HPCAL1: variants seen among roughly 807,000 people sequenced by gnomAD.
HPCAL1 encodes the protein hippocalcin like 1.
A neutral mutation model predicts 17.1 loss-of-function variants in HPCAL1; 8 were observed. The observed-to-expected ratio is 0.47, with a 90% CI of 0.27 to 0.84. The LOEUF is 0.84. HPCAL1 is among the 40% of genes least tolerant of loss of function. The pLI is 0.13. For missense variants in HPCAL1, 165 were observed against 271.1 expected (o/e 0.61, Z 2.75); for synonymous variants, 112 against 111.4 (o/e 1.01, Z -0.03).
intron 2 of HPCAL1, among the ~76,000 whole-genome samples, chr2:10,407,938 G>C (rs145036611): frequency 6.6e-6 from 1 of 152,370 alleles, no homozygotes; most frequent in East Asian, 1.9e-4. Context: ...AGCAGTTGTA[G>C]GGGCTGGGAA....
chr2:10,368,161 T>G (rs909768880), intron 1 of HPCAL1, among the ~76,000 whole-genome samples: 3 of 151,810 alleles, frequency 2.0e-5, no homozygotes, highest in Non-Finnish European at 4.4e-5. Context: ...TGTAGGTGTG[T>G]GTGTGCATTG....
At chr2:10,409,789 T>C (rs947363979) in intron 2 of HPCAL1, among the ~76,000 whole-genome samples, 10 of 131,742 alleles carry the variant, frequency 7.6e-5, no homozygotes, top group Non-Finnish European at 1.1e-4. Context: ...TTTTTTTTTT[T>C]TTTTTTTTTT....
At chr2:10,364,561 G>A (rs1666727709) in intron 1 of HPCAL1, among the ~76,000 whole-genome samples, 1 of 151,794 alleles carries the variant, frequency 6.6e-6, no homozygotes, top group South Asian at 2.1e-4. Context: ...GGCCCTGACG[G>A]CCTCCTCTCC....
intron 1 of HPCAL1, among the ~76,000 whole-genome samples, chr2:10,355,695 C>A (rs972435415): frequency 2.6e-5 from 4 of 152,072 alleles, no homozygotes; most frequent in African/African-American, 9.7e-5. Context: ...CCGTTCTTGC[C>A]CACTGTCCAG....
intron 3 of HPCAL1, among the ~76,000 whole-genome samples, chr2:10,420,512 G>T (rs955257146): frequency 6.6e-5 from 10 of 151,528 alleles, no homozygotes; most frequent in African/African-American, 1.9e-4. Context: ...TGTTCTTTAT[G>T]TTCACTCGAC....
At chr2:10,305,516 C>T (rs1662566446) in intron 1 of HPCAL1, among the ~76,000 whole-genome samples, 1 of 152,236 alleles carries the variant, frequency 6.6e-6, no homozygotes, top group African/African-American at 2.4e-5. Context: ...TGCCTGCTCC[C>T]TCTGCGTCCC....
chr2:10,419,084 G>A lies in HPCAL1; in HGVS notation c.-24-650G>A, dbSNP rs1415115098. On this transcript the variant is annotated intron_variant, in intron 2 of 4. Coordinates refer to ENST00000307845, the MANE Select transcript of HPCAL1 (RefSeq NM_002149.4). The surrounding 1 kb of genome is among the most constrained non-coding windows in gnomAD (Gnocchi z 5.0). ...AAATTAGCTGGGCGCGGTGGTGCAT[G>A]CCTGTAATCCCAGCTACTCAGGAGG... is the stretch of plus-strand genomic sequence containing the variant. Among the ~76,000 whole-genome samples, 2 of 152,118 alleles carry A rather than the reference G, an allele frequency of 1.3e-5. No individual in the cohort carries two copies. Among genetic ancestry groups the A allele is most frequent in the African/African-American group, 4.8e-5 (2 of 41,404 alleles).
intron 2 of HPCAL1, among the ~76,000 whole-genome samples, chr2:10,417,348 A>G (rs890811479): frequency 2.0e-5 from 3 of 150,664 alleles, no homozygotes; most frequent in African/African-American, 7.3e-5. Context: ...GGGTGACAAG[A>G]GCGAAACTCC....
At position 10,310,116 on chromosome 2, in the gene HPCAL1, A is replaced by G. The variant is rs1262159304; in HGVS notation, c.-111+6939A>G. 6.6e-6 allele frequency among the ~76,000 whole-genome samples: 1 copy of G among 152,118 alleles called. No homozygotes were observed. The highest frequency in any genetic ancestry group is 1.5e-5 in the Non-Finnish European group (1 of 68,024). On this transcript the variant is annotated intron_variant, in intron 1 of 4. Transcript: ENST00000307845. The surrounding 1 kb of genome is among the most constrained non-coding windows in gnomAD (Gnocchi z 4.5). Reference sequence around the variant, plus strand: ...GAAAGGGGTTTTAGGCTGAGCTCAGATATTGACAGGAACTACAATTCAAAC... The same window carrying G: ...GAAAGGGGTTTTAGGCTGAGCTCAGGTATTGACAGGAACTACAATTCAAAC...
chr2:10,408,914 A>T (rs984226338), intron 2 of HPCAL1, among the ~76,000 whole-genome samples: 5 of 152,206 alleles, frequency 3.3e-5, no homozygotes, highest in African/African-American at 9.7e-5. Context: ...CGGGAAATAA[A>T]GTGGGAGACA....
At chr2:10,410,283 G>A (rs987576417) in intron 2 of HPCAL1, among the ~76,000 whole-genome samples, 64 of 152,146 alleles carry the variant, frequency 4.2e-4, no homozygotes, top group African/African-American at 1.4e-3. Flanking sequence ...TCAAGCCCTC[G>A]GTTCCCAGGA....
rs911407928 is a variant in HPCAL1, at chr2:10,377,276, G to A, written c.-110-19559G>A. Among the ~76,000 whole-genome samples, 15 of 152,140 alleles carry A rather than the reference G, an allele frequency of 9.9e-5. No homozygotes were observed. The highest frequency in any genetic ancestry group is 2.9e-4 in the African/African-American group (12 of 41,426). ...AGGTGGAAGGCGGCTGAGTGGAGCC[G>A]CAGCAAATGCAACCCTGCCCCCGAG... On this transcript the variant is annotated intron_variant, in intron 1 of 4. Transcript: ENST00000307845. This position sits in a 1 kb window ranked among gnomAD's most constrained non-coding sequence, Gnocchi z 5.9.
At chr2:10,337,314 C>T (rs1664783455) in intron 1 of HPCAL1, among the ~76,000 whole-genome samples, 1 of 152,096 alleles carries the variant, frequency 6.6e-6, no homozygotes, top group South Asian at 2.1e-4. Context: ...AGTAGAATTG[C>T]TACATTAGGA....
chr2:10,424,618 G>T (rs1572877013), intron 4 of HPCAL1: 1 of 470,912 alleles, frequency 2.1e-6, no homozygotes, highest in Non-Finnish European at 4.4e-6. Context: ...TTCTAGGTTG[G>T]TTGGGAATTT....
rs2125502510 is a variant in HPCAL1, at chr2:10,367,797, G to A, written c.-110-29038G>A. On this transcript the variant is annotated intron_variant, in intron 1 of 4. Coordinates refer to ENST00000307845, the MANE Select transcript of HPCAL1 (RefSeq NM_002149.4). The surrounding 1 kb of genome is among the most constrained non-coding windows in gnomAD (Gnocchi z 4.4). ...GACATGAGCAGCCTCTGCTGCTGCG[G>A]CCACCCTCGCCGGCCCTGGATCCCC... 6.6e-6 allele frequency among the ~76,000 whole-genome samples: 1 copy of A among 152,278 alleles called. No homozygotes were observed. Among genetic ancestry groups the A allele is most frequent in the South Asian group, 2.1e-4 (1 of 4,822 alleles).
At position 10,326,033 on chromosome 2, in the gene HPCAL1, A is replaced by G. The variant is rs113017082; in HGVS notation, c.-111+22856A>G. ...GAGTGTTTGCTTGGAAGTGAGGCCC[A>G]CGAGGCTGCAGAGGGCCATGAGATT... On this transcript the variant is annotated intron_variant, in intron 1 of 4. Transcript: ENST00000307845. 1.4e-3 allele frequency among the ~76,000 whole-genome samples: 220 copies of G among 152,320 alleles called. 2 individuals are homozygous for G. The highest frequency in any genetic ancestry group is 4.9e-3 in the African/African-American group (204 of 41,576).
At chr2:10,407,485 T>C (rs1482727238) in intron 2 of HPCAL1, among the ~76,000 whole-genome samples, 1 of 152,254 alleles carries the variant, frequency 6.6e-6, no homozygotes, top group East Asian at 1.9e-4. Flanking sequence ...ATTGACTGAA[T>C]TGTGTGCCAG....
At chr2:10,398,897 A>G (rs1470519389) in intron 2 of HPCAL1, among the ~76,000 whole-genome samples, 3 of 152,068 alleles carry the variant, frequency 2.0e-5, no homozygotes, top group African/African-American at 4.8e-5. Context: ...ACACAACTGC[A>G]TGTGAAGGGG....
chr2:10,374,077 C>T (rs964985884), intron 1 of HPCAL1, among the ~76,000 whole-genome samples: 1 of 152,156 alleles, frequency 6.6e-6, no homozygotes, highest in Non-Finnish European at 1.5e-5. Context: ...GCCTGCTTCC[C>T]CACAGGCAGC....
Sources: allele counts gnomAD v4.1 joint callset (sites outside exome capture counted in the v4.1 genomes callset), GRCh38; gene constraint gnomAD v4.1.1; non-coding constraint Gnocchi (gnomAD v3.1); transcripts MANE v1.5; gene names NCBI Gene and HGNC (gene_info 2026-07-23, HGNC 2026-07-21).